Variants in ATP11A observed in about 807,000 individuals in gnomAD.
ATP11A encodes phospholipid-transporting ATPase IH.
ATP11A carries 81 observed loss-of-function variants against 154.4 expected under a neutral mutation model. That is an observed-to-expected ratio of 0.52 (90% confidence interval 0.44 to 0.63). The LOEUF (loss-of-function observed/expected upper bound fraction) is 0.63. Among genes scored for constraint, ATP11A ranks in the 30% least tolerant of loss-of-function variants. ATP11A has a pLI of 0.00. For synonymous variants in ATP11A, 623 were observed against 585.9 expected (o/e 1.06, Z -0.91); for missense variants, 1,316 against 1,474.3 (o/e 0.89, Z 1.76).
chr13:112,713,955 ACGCC>A (rs1888086397), intron 1 of ATP11A, among the ~76,000 whole-genome samples: 1 of 28,652 alleles, frequency 3.5e-5, no homozygotes, highest in African/African-American at 1.3e-4. Flanking sequence ...CCCAGATCCC[ACGCC>A]TCCCTTCCCA....
chr13:112,785,146 A>G lies in ATP11A; in HGVS notation c.51A>G (p.Glu17=). 1 of 1,552,068 alleles carries G rather than the reference A, an allele frequency of 6.4e-7. No homozygotes were observed. Among genetic ancestry groups the G allele is most frequent in the Non-Finnish European group, 8.7e-7 (1 of 1,150,860 alleles). Residue 17 remains glutamate, a synonymous_variant, in exon 2 of 30, where the codon GAA becomes GAG. Coordinates refer to ENST00000375645, the MANE Select transcript of ATP11A (RefSeq NM_015205.3). This position sits in a 1 kb window ranked among gnomAD's most constrained non-coding sequence, Gnocchi z 4.8. ...TCTCCTTTCCGCAGTGTGCAGGAGA[A>G]GAGAATTGGGTGGACAGCAGGACCA... The part of the protein sequence containing the change: ...RTLVHRYCAG[E]ENWVDSRTIY...
intron 4 of ATP11A, among the ~76,000 whole-genome samples, chr13:112,810,299 A>G (rs1184391114): frequency 3.9e-5 from 6 of 152,204 alleles, no homozygotes; most frequent in Admixed American, 6.5e-5. Flanking sequence ...TTTTTTAGGA[A>G]TTTATCCTAA....
chr13:112,796,746 C>T (rs1005190587), intron 2 of ATP11A, among the ~76,000 whole-genome samples: 5 of 152,120 alleles, frequency 3.3e-5, no homozygotes, highest in Non-Finnish European at 5.9e-5. Context: ...ACAGACTGTA[C>T]GGAGATTGAC....
intron 20 of ATP11A, chr13:112,856,368 A>C: frequency 1.3e-5 from 3 of 229,436 alleles, no homozygotes; most frequent in Non-Finnish European, 1.7e-5. Context: ...AAAAAAAGCT[A>C]TCTCAATCAC....
At chr13:112,733,255 C>T (rs1890679265) in intron 1 of ATP11A, among the ~76,000 whole-genome samples, 1 of 152,212 alleles carries the variant, frequency 6.6e-6, no homozygotes, top group South Asian at 2.1e-4. Flanking sequence ...GGCACAGCAT[C>T]TCCACTTTAC....
rs282624 is a variant in ATP11A, at chr13:112,783,607, G to A, written c.40-1528G>A. ...CATTCCCCTCATGGAGGAGGCTTCC[G>A]TCTCCTCTTCAGCTGTGTTTCTCAT... On this transcript the variant is annotated intron_variant, in intron 1 of 29. Coordinates refer to ENST00000375645, the MANE Select transcript of ATP11A (RefSeq NM_015205.3). 8.6e-3 allele frequency among the ~76,000 whole-genome samples: 1,309 copies of A among 152,312 alleles called. 15 individuals are homozygous for A. Among genetic ancestry groups the A allele is most frequent in the African/African-American group, 0.029 (1,209 of 41,562 alleles).
chr13:112,769,317 C>T (rs1360096960), intron 1 of ATP11A, among the ~76,000 whole-genome samples: 1 of 152,240 alleles, frequency 6.6e-6, no homozygotes, highest in Admixed American at 6.5e-5. Flanking sequence ...GGCTCAGAGG[C>T]ACAGCAGGTG....
At chr13:112,719,745 T>C (rs1302817803) in intron 1 of ATP11A, among the ~76,000 whole-genome samples, 2 of 152,186 alleles carry the variant, frequency 1.3e-5, no homozygotes, top group Non-Finnish European at 2.9e-5. Context: ...TCTCCTATTT[T>C]TGAGAAAAAC....
In ATP11A at chr13:112,785,883, C is replaced by G. The variant is rs1226741476; in HGVS notation, c.162+626C>G. Among the ~76,000 whole-genome samples, 5 of 152,260 alleles carry G rather than the reference C, an allele frequency of 3.3e-5. No homozygotes were observed. Among genetic ancestry groups the G allele is most frequent in the African/African-American group, 1.2e-4 (5 of 41,464 alleles). On this transcript the variant is annotated intron_variant, in intron 2 of 29. Transcript: ENST00000375645. This position sits in a 1 kb window ranked among gnomAD's most constrained non-coding sequence, Gnocchi z 4.8. The stretch of plus-strand genomic sequence containing the variant: ...AACAAGGTGGAAATTTAGCTGCTGC[C>G]ATTAAACATGGGGTAAACTGTGCTT...
chr13:112,723,130 T>C, intron 1 of ATP11A, among the ~76,000 whole-genome samples: 1 of 151,926 alleles, frequency 6.6e-6, no homozygotes, highest in Non-Finnish European at 1.5e-5. Context: ...TCATCTGTAA[T>C]GGCACTGGGC....
In ATP11A at chr13:112,730,065, T is replaced by G. The variant is rs187120958; in HGVS notation, c.39+39610T>G. Among the ~76,000 whole-genome samples the G allele has an allele frequency of 5.4e-3, 827 of 152,262 alleles. 7 individuals carry two copies. The highest frequency in any genetic ancestry group is 0.018 in the African/African-American group (745 of 41,544). On this transcript the variant is annotated intron_variant, in intron 1 of 29. Transcript: ENST00000375645. Reference sequence around the variant, plus strand: ...TGTCCATGCTAAGTGCAGCTTCTCATGATGGTGGAGGACGAGTTTCTTCAT... The same window carrying G: ...TGTCCATGCTAAGTGCAGCTTCTCAGGATGGTGGAGGACGAGTTTCTTCAT...
rs77114132 is a variant in ATP11A, at chr13:112,721,439, C to G, written c.39+30984C>G. Among the ~76,000 whole-genome samples the G allele has an allele frequency of 4.6e-3, 701 of 152,302 alleles. 4 individuals carry two copies. Among genetic ancestry groups the G allele is most frequent in the East Asian group, 0.017 (89 of 5,178 alleles). Reference sequence around the variant, plus strand: ...CTCTTGCGTGTGCATTTGGATATGTCGAGGGAAGCCGGGTACTCCAGGCAG... The same window carrying G: ...CTCTTGCGTGTGCATTTGGATATGTGGAGGGAAGCCGGGTACTCCAGGCAG... On this transcript the variant is annotated intron_variant, in intron 1 of 29. Transcript: ENST00000375645.
intron 25 of ATP11A, among the ~76,000 whole-genome samples, chr13:112,869,682 C>G (rs1417397645): frequency 6.6e-6 from 1 of 152,200 alleles, no homozygotes; most frequent in Non-Finnish European, 1.5e-5. Context: ...TGTCTGGGTG[C>G]AAAGCCGCCC....
At chr13:112,725,382 C>T (rs1889727220) in intron 1 of ATP11A, among the ~76,000 whole-genome samples, 1 of 152,222 alleles carries the variant, frequency 6.6e-6, no homozygotes, top group African/African-American at 2.4e-5. Flanking sequence ...TCAGCCCTCA[C>T]CAGCCCACTG....
Position 112,862,556 on chromosome 13 carries a change from C to G in ATP11A, c.2972C>G (p.Thr991Ser), listed in dbSNP as rs2080143965. The G allele has an allele frequency of 6.2e-7, 1 of 1,614,206 alleles. No homozygotes were observed. The highest frequency in any genetic ancestry group is 1.3e-5 in the African/African-American group (1 of 75,056). ...FGAYFVFENT[T>S]VTSNGQIFGN... Reference sequence around the variant, plus strand: ...GCTTATTTCGTGTTTGAAAATACAACTGTGACAAGCAACGGGCAGGTCAGT... The same window carrying G: ...GCTTATTTCGTGTTTGAAAATACAAGTGTGACAAGCAACGGGCAGGTCAGT... Residue 991 changes from threonine to serine, a missense_variant, in exon 25 of 30, where the codon ACT becomes AGT. This residue lies in a region of ATP11A where 294 missense variants were observed against 290.2 expected (regional missense o/e 1.01). Transcript: ENST00000375645.
In ATP11A at chr13:112,785,394, T is replaced by C; in HGVS notation, c.162+137T>C. The C allele has an allele frequency of 9.3e-7, 1 of 1,071,942 alleles. No individual in the cohort carries two copies. 66.4% of individuals were successfully genotyped at this position (1,071,942 alleles called of 1,614,324 possible). A position where few individuals can be genotyped will look rare whatever the true frequency, so the allele number is the denominator to read the frequency against. On this transcript the variant is annotated intron_variant, in intron 2 of 29. Transcript: ENST00000375645. The surrounding 1 kb of genome is among the most constrained non-coding windows in gnomAD (Gnocchi z 4.8). ...GCCACCAGCCACCCCCAGCAAGGGC[T>C]TCGGATCAGGACCTCACCGAGGGCG... is the stretch of plus-strand genomic sequence containing the variant.
At position 112,882,244 on chromosome 13, in the gene ATP11A, C is replaced by T; in HGVS notation, c.*378C>T. 2 of 726,270 alleles carry T rather than the reference C, an allele frequency of 2.8e-6. No homozygotes were observed. Among genetic ancestry groups the T allele is most frequent in the Non-Finnish European group, 4.0e-6 (2 of 503,754 alleles). The allele number at this position is 726,270 out of a possible 1,614,324, so 45.0% of individuals were successfully genotyped here. On this transcript the variant is annotated 3_prime_UTR_variant, in exon 30 of 30. Transcript: ENST00000375645. This position sits in a 1 kb window ranked among gnomAD's most constrained non-coding sequence, Gnocchi z 5.1. The stretch of plus-strand genomic sequence containing the variant: ...TTCGGCTCAACGCAGGAGGGACATT[C>T]TGCTGGCCCACCCTGCGCGCTGTCA...
intron 1 of ATP11A, among the ~76,000 whole-genome samples, chr13:112,734,653 T>G (rs1326881331): frequency 6.6e-6 from 1 of 152,200 alleles, no homozygotes; most frequent in Non-Finnish European, 1.5e-5. Flanking sequence ...GTACTTTTCA[T>G]AAATTAGTGG....
chr13:112,873,922 G>A (rs542267956), intron 27 of ATP11A, among the ~76,000 whole-genome samples: 48 of 152,228 alleles, frequency 3.2e-4, no homozygotes, highest in African/African-American at 1.0e-3. Context: ...AGCTTGTGAC[G>A]AGTTATACGG....
Sources: gnomAD v4.1 joint callset for allele counts (sites outside exome capture counted in the v4.1 genomes callset) on GRCh38, gnomAD v4.1.1 for gene constraint, gnomAD v4.1.1 regional missense constraint, Gnocchi (gnomAD v3.1) non-coding constraint, MANE v1.5 for transcripts, NCBI Gene and HGNC (gene_info 2026-07-23, HGNC 2026-07-21) for gene names.